SGCZ: variants seen among roughly 807,000 people sequenced by gnomAD.
The protein encoded by SGCZ is sarcoglycan zeta.
Under a neutral mutation model 41.3 loss-of-function variants are expected in SGCZ, and 40 were observed. The ratio of observed to expected loss-of-function variants is 0.97; its 90% CI spans 0.75 to 1.26. The LOEUF (loss-of-function observed/expected upper bound fraction) is 1.26, where lower values mean the gene tolerates loss of function less well. Among genes scored for constraint, SGCZ ranks in the 50% most tolerant of loss-of-function variants. The pLI is 0.00. For missense variants in SGCZ, 552 were observed against 369.8 expected, an observed-to-expected ratio of 1.49 and a Z score of -4.04; for synonymous variants, 206 against 137.5, an observed-to-expected ratio of 1.50 and a Z score of -3.49.
At chr8:14,877,526 C>T (rs1019516244) in intron 1 of SGCZ, among the ~76,000 whole-genome samples, 1 of 152,022 alleles carries the variant, frequency 6.6e-6, no homozygotes, top group Admixed American at 6.6e-5. Flanking sequence ...TCATATGCTA[C>T]ATGTTTTGAA....
intron 1 of SGCZ, among the ~76,000 whole-genome samples, chr8:15,160,147 ACT>A (rs1799466781): frequency 6.6e-6 from 1 of 152,034 alleles, no homozygotes; most frequent in East Asian, 1.9e-4. Flanking sequence ...TAAAACTGAA[ACT>A]CTGTATCTTT....
intron 1 of SGCZ, among the ~76,000 whole-genome samples, chr8:15,205,558 C>T (rs969774910): frequency 1.3e-5 from 2 of 151,972 alleles, no homozygotes; most frequent in Non-Finnish European, 2.9e-5. Context: ...AGAGAGATAC[C>T]ATCTCATACC....
intron 1 of SGCZ, among the ~76,000 whole-genome samples, chr8:14,956,096 A>G (rs1232357874): frequency 6.9e-6 from 1 of 145,010 alleles, no homozygotes; most frequent in African/African-American, 2.6e-5. Flanking sequence ...CTGGAGGGCA[A>G]TGGCGCGATC....
intron 1 of SGCZ, among the ~76,000 whole-genome samples, chr8:14,911,813 C>T (rs1223234842): frequency 2.0e-5 from 3 of 151,714 alleles, no homozygotes; most frequent in Non-Finnish European, 4.4e-5. Flanking sequence ...TAATTAGGTT[C>T]AGAAACAAGA....
intron 2 of SGCZ, among the ~76,000 whole-genome samples, chr8:14,472,549 C>A (rs1344472366): frequency 6.6e-6 from 1 of 152,032 alleles, no homozygotes; most frequent in Non-Finnish European, 1.5e-5. Context: ...ATTATCCCAA[C>A]CATATACTGG....
At chr8:14,838,388 T>C (rs1410435618) in intron 1 of SGCZ, among the ~76,000 whole-genome samples, 2 of 152,294 alleles carry the variant, frequency 1.3e-5, no homozygotes, top group Non-Finnish European at 2.9e-5. Context: ...AAGACTCACC[T>C]TAGAGCATGC....
intron 1 of SGCZ, among the ~76,000 whole-genome samples, chr8:15,073,202 CTG>C (rs2131031299): frequency 6.6e-6 from 1 of 152,220 alleles, no homozygotes; most frequent in South Asian, 2.1e-4. Context: ...CCTTTTGGTG[CTG>C]TTATTTTTCA....
At chr8:14,242,518 G>A (rs529541276) in intron 3 of SGCZ, among the ~76,000 whole-genome samples, 24 of 152,180 alleles carry the variant, frequency 1.6e-4, no homozygotes, top group African/African-American at 5.1e-4. Context: ...GTAAAATAGG[G>A]GTCATAGCAC....
chr8:15,132,659 G>A (rs1025246206), intron 1 of SGCZ, among the ~76,000 whole-genome samples: 2 of 152,162 alleles, frequency 1.3e-5, no homozygotes, highest in South Asian at 4.1e-4. Flanking sequence ...TTAACGAGTT[G>A]TGAGAGCAAT....
chr8:14,496,642 T>C (rs570431464), intron 2 of SGCZ, among the ~76,000 whole-genome samples: 9 of 152,284 alleles, frequency 5.9e-5, no homozygotes, highest in Admixed American at 3.9e-4. Context: ...AATCACATTC[T>C]TTATTTTTTG....
chr8:14,852,625 G>A (rs905563443), intron 1 of SGCZ, among the ~76,000 whole-genome samples: 1 of 152,060 alleles, frequency 6.6e-6, no homozygotes, highest in African/African-American at 2.4e-5. Flanking sequence ...TTTTTTCCCT[G>A]CACGCCAGAT....
intron 1 of SGCZ, among the ~76,000 whole-genome samples, chr8:15,046,244 C>A (rs552150423): frequency 6.6e-6 from 1 of 152,142 alleles, no homozygotes; most frequent in East Asian, 1.9e-4. Context: ...TACCATGGAA[C>A]ACTGAAGAAC....
chr8:14,816,574 G>T (rs1169155544), intron 1 of SGCZ, among the ~76,000 whole-genome samples: 1 of 152,100 alleles, frequency 6.6e-6, no homozygotes. Flanking sequence ...TGTTGGATGG[G>T]AACAAATTCT....
chr8:14,985,201 T>G (rs889640637), intron 1 of SGCZ, among the ~76,000 whole-genome samples: 2 of 152,166 alleles, frequency 1.3e-5, no homozygotes, highest in Non-Finnish European at 1.5e-5. Flanking sequence ...CAAATTTTAC[T>G]GAAATTAAAG....
intron 3 of SGCZ, among the ~76,000 whole-genome samples, chr8:14,260,718 C>A (rs1467467349): frequency 6.6e-6 from 1 of 152,158 alleles, no homozygotes; most frequent in Non-Finnish European, 1.5e-5. Flanking sequence ...CCATAATAGA[C>A]TGGATTAAGA....
At chr8:14,856,237 G>C (rs1231492509) in intron 1 of SGCZ, among the ~76,000 whole-genome samples, 1 of 152,114 alleles carries the variant, frequency 6.6e-6, no homozygotes, top group Non-Finnish European at 1.5e-5. Flanking sequence ...AAAATAAATA[G>C]AAGAATCTAC....
chr8:14,366,746 C>G (rs949946269), intron 2 of SGCZ, among the ~76,000 whole-genome samples: 1 of 152,110 alleles, frequency 6.6e-6, no homozygotes, highest in Non-Finnish European at 1.5e-5. Context: ...GAAGAGTTCA[C>G]AGAGTAAAGA....
At chr8:14,864,889 T>C (rs1045040182) in intron 1 of SGCZ, among the ~76,000 whole-genome samples, 1 of 152,128 alleles carries the variant, frequency 6.6e-6, no homozygotes, top group Admixed American at 6.6e-5. Context: ...TAGTATCCTA[T>C]ATTGGTTTTG....
chr8:14,621,730 G>C (rs1806292934), intron 1 of SGCZ, among the ~76,000 whole-genome samples: 1 of 152,010 alleles, frequency 6.6e-6, no homozygotes, highest in East Asian at 1.9e-4. Context: ...TCAGTATCAG[G>C]AAGACAGCAT....
Sources: allele counts gnomAD v4.1 joint callset (sites outside exome capture counted in the v4.1 genomes callset), GRCh38; gene constraint gnomAD v4.1.1; transcripts MANE v1.5; gene names NCBI Gene and HGNC (gene_info 2026-07-23, HGNC 2026-07-21).